TRIM37: variants seen among roughly 807,000 people sequenced by gnomAD.
The protein encoded by TRIM37 is E3 ubiquitin-protein ligase TRIM37.
Under a neutral mutation model 129.8 loss-of-function variants are expected in TRIM37, and 80 were observed. The observed-to-expected ratio is 0.62, with a 90% CI of 0.51 to 0.74. The LOEUF is 0.74. Ranked by LOEUF, TRIM37 falls within the 30% of genes least tolerant of loss-of-function variation. The pLI, the probability that TRIM37 is intolerant of heterozygous loss-of-function variation, is 0.00. For synonymous variants in TRIM37, 389 were observed against 387.1 expected, an observed-to-expected ratio of 1.00 and a Z score of -0.06; for missense variants, 1,054 against 1,176.5, an observed-to-expected ratio of 0.90 and a Z score of 1.52.
At chr17:58,970,743 G>T in the TRIM37 span, among the ~76,000 whole-genome samples, 45 of 152,094 alleles carry the variant, frequency 3.0e-4, no homozygotes, top group African/African-American at 1.1e-3. Flanking sequence ...GGTGGGTCTG[G>T]AGAATAAAGC....
intron 15 of TRIM37, 38 bp downstream of exon 15, chr17:59,049,140 A>T: frequency 6.5e-7 from 1 of 1,541,312 alleles, no homozygotes; most frequent in Non-Finnish European, 9.0e-7. Flanking sequence ...GTTTTTTTTT[A>T]ATCAAACACA....
chr17:59,092,831 A>G (rs2044516747), intron 2 of TRIM37, among the ~76,000 whole-genome samples: 1 of 152,224 alleles, frequency 6.6e-6, no homozygotes, highest in Non-Finnish European at 1.5e-5. Flanking sequence ...TTAAAATGAT[A>G]GCAAGCAAGG....
intron 21 of TRIM37, 111 bp from the exon 22 acceptor site, chr17:59,012,557 T>C (rs1198784033): frequency 1.1e-5 from 8 of 756,076 alleles, no homozygotes; most frequent in Non-Finnish European, 1.8e-5. Flanking sequence ...TGGTGCTTAA[T>C]ACTAAATTTC....
chr17:59,024,939 T>A (rs879567748), intron 19 of TRIM37, among the ~76,000 whole-genome samples: 18 of 152,166 alleles, frequency 1.2e-4, no homozygotes, highest in Non-Finnish European at 2.2e-4. Flanking sequence ...AATAAACATA[T>A]CCTATCATAG....
chr17:59,007,806 GAC>G (rs2034733486), intron 22 of TRIM37, among the ~76,000 whole-genome samples: 1 of 152,170 alleles, frequency 6.6e-6, no homozygotes, highest in East Asian at 1.9e-4. Context: ...GCAATTAAGA[GAC>G]ACTTTAGTAG....
chr17:59,014,009 G>A (rs2035607425), intron 21 of TRIM37, among the ~76,000 whole-genome samples: 1 of 152,078 alleles, frequency 6.6e-6, no homozygotes, highest in African/African-American at 2.4e-5. Flanking sequence ...CTAAGTTCAT[G>A]TATATTTAAT....
At chr17:59,081,950 AAATAAAAAAAAAAAAAT>A (rs2043312087) in intron 5 of TRIM37, among the ~76,000 whole-genome samples, 1 of 116,098 alleles carries the variant, frequency 8.6e-6, no homozygotes, top group South Asian at 2.9e-4. Context: ...AAAAAAAAAA[AAATAAAAAAAAAAAAAT>A]AATAATAATA....
intron 22 of TRIM37, among the ~76,000 whole-genome samples, chr17:59,010,475 T>C (rs2035114463): frequency 6.6e-6 from 1 of 152,156 alleles, no homozygotes; most frequent in African/African-American, 2.4e-5. Context: ...TTCATAAATG[T>C]TGCATGAAAA....
At chr17:58,973,793 A>G in the TRIM37 span, among the ~76,000 whole-genome samples, 12 of 152,032 alleles carry the variant, frequency 7.9e-5, no homozygotes, top group African/African-American at 2.7e-4. Context: ...TCTACTAAAA[A>G]TATAAAAAAT....
chr17:59,071,011 TAAGA>T (rs2042317567), intron 8 of TRIM37, 64 bp from the exon 9 acceptor site: 13 of 1,580,426 alleles, frequency 8.2e-6, no homozygotes, highest in Non-Finnish European at 1.0e-5. Flanking sequence ...TCAAAATTCT[TAAGA>T]AATTACAAAT....
At chr17:59,051,996 T>C (rs2040399638) in intron 13 of TRIM37, among the ~76,000 whole-genome samples, 1 of 152,124 alleles carries the variant, frequency 6.6e-6, no homozygotes, top group African/African-American at 2.4e-5. Context: ...AAAAAATCAC[T>C]TCCTGGCTCA....
chr17:58,995,097 G>A (rs1034564426), downstream of TRIM37, among the ~76,000 whole-genome samples: 5 of 151,872 alleles, frequency 3.3e-5, no homozygotes, highest in Non-Finnish European at 7.4e-5. Flanking sequence ...CACGCAGGCT[G>A]AAGTGCAGTA....
intron 12 of TRIM37, among the ~76,000 whole-genome samples, chr17:59,057,428 G>A (rs2041052835): frequency 6.6e-6 from 1 of 152,188 alleles, no homozygotes; most frequent in Non-Finnish European, 1.5e-5. Flanking sequence ...GGCTGGTCTT[G>A]AACTCCTGAC....
In TRIM37 at chr17:59,100,792, G is replaced by A. The variant is rs192223290; in HGVS notation, c.123+3501C>T. 8.3e-4 allele frequency among the ~76,000 whole-genome samples: 126 copies of A among 152,292 alleles called. 1 individual carries two copies. The highest frequency in any genetic ancestry group is 8.1e-3 in the South Asian group (39 of 4,814). On this transcript the variant is annotated intron_variant, in intron 2 of 23. Coordinates refer to ENST00000262294, the MANE Select transcript of TRIM37 (RefSeq NM_015294.6). ...AATCCTAGCACTTTGGGAGGCTGAG[G>A]TGGGTGGATCACCTGAGGTCAGGAG...
intron 7 of TRIM37, among the ~76,000 whole-genome samples, chr17:59,076,792 T>C (rs2042847735): frequency 6.6e-6 from 1 of 152,134 alleles, no homozygotes; most frequent in Admixed American, 6.5e-5. Context: ...ATTTATTTTA[T>C]TTATTTATTT....
chr17:59,081,582 A>G (rs188127758), intron 5 of TRIM37, among the ~76,000 whole-genome samples: 38 of 152,274 alleles, frequency 2.5e-4, no homozygotes, highest in African/African-American at 8.9e-4. Context: ...TCTTTCCACC[A>G]GGACTTTACA....
chr17:59,079,344 A>C (rs1462419207), intron 7 of TRIM37, among the ~76,000 whole-genome samples: 1 of 152,218 alleles, frequency 6.6e-6, no homozygotes, highest in African/African-American at 2.4e-5. Context: ...AGAAATCAAA[A>C]GCTGAGACTT....
intron 17 of TRIM37, among the ~76,000 whole-genome samples, chr17:59,037,297 A>G (rs990705662): frequency 1.3e-5 from 2 of 151,892 alleles, no homozygotes; most frequent in East Asian, 2.0e-4. Context: ...AGTGGATCAC[A>G]CCTGTAATCC....
chr17:59,056,924 G>A lies in TRIM37; in HGVS notation c.1150C>T (p.Leu384Phe), dbSNP rs2040990254. 6.2e-7 allele frequency: 1 copy of A among 1,613,664 alleles called. No homozygotes were observed. Among genetic ancestry groups the A allele is most frequent in the Non-Finnish European group, 8.5e-7 (1 of 1,179,894 alleles). ...GYNRFFRLDL[L>F]ANEGYLNPQN... ...GGATTCAAGTATCCTTCATTTGCGA[G>A]TAAGTCCAAACGGAAAAATCTATTA... The change falls in exon 13 of 24, where the codon CTC (leucine) becomes TTC (phenylalanine). Residue 384 changes from leucine (L) to phenylalanine (F), a missense_variant. By Grantham distance (22) the Leu-to-Phe change is conservative. Coordinates refer to ENST00000262294, the MANE Select transcript of TRIM37 (RefSeq NM_015294.6).
Sources: gnomAD v4.1 joint callset for allele counts (sites outside exome capture counted in the v4.1 genomes callset) on GRCh38, gnomAD v4.1.1 for gene constraint, MANE v1.5 for transcripts, NCBI Gene and HGNC (gene_info 2026-07-23, HGNC 2026-07-21) for gene names.